GABPB1: variants seen among roughly 807,000 people sequenced by gnomAD.
The protein encoded by GABPB1 is GA binding protein transcription factor subunit beta 1.
Under a neutral mutation model 45.9 loss-of-function variants are expected in GABPB1, and 15 were observed. The observed-to-expected ratio is 0.33, with a 90% CI of 0.22 to 0.50. The LOEUF (loss-of-function observed/expected upper bound fraction) is 0.50, where lower values mean the gene tolerates loss of function less well. GABPB1 is among the 20% of genes least tolerant of loss of function. GABPB1 has a pLI of 0.98. For synonymous variants in GABPB1, 143 were observed against 154.4 expected, an observed-to-expected ratio of 0.93 and a Z score of 0.55; for missense variants, 252 against 457.5, an observed-to-expected ratio of 0.55 and a Z score of 4.10.
chr15:50,310,441 G>A (rs969858565), intron 1 of GABPB1, among the ~76,000 whole-genome samples: 6 of 152,156 alleles, frequency 3.9e-5, no homozygotes, highest in African/African-American at 1.4e-4. Context: ...TTACTGGAGG[G>A]TTTGCAGCAA....
chr15:50,310,507 C>T (rs1232299468), intron 1 of GABPB1, among the ~76,000 whole-genome samples: 1 of 152,140 alleles, frequency 6.6e-6, no homozygotes, highest in Non-Finnish European at 1.5e-5. Context: ...GTTGTTGGTG[C>T]AAATTAAACT....
intron 8 of GABPB1, chr15:50,282,346 G>A (rs1330129720): frequency 1.1e-5 from 5 of 450,058 alleles, no homozygotes; most frequent in Non-Finnish European, 2.2e-5. Flanking sequence ...ATCACTTGAG[G>A]CCAGGAGTCC....
At chr15:50,327,767 T>C (rs906348175) in intron 1 of GABPB1, among the ~76,000 whole-genome samples, 1 of 151,882 alleles carries the variant, frequency 6.6e-6, no homozygotes, top group Non-Finnish European at 1.5e-5. Context: ...GGCGTGGTGG[T>C]GCATGCCTGT....
intron 1 of GABPB1, among the ~76,000 whole-genome samples, chr15:50,348,430 T>C (rs1327569465): frequency 6.6e-6 from 1 of 152,090 alleles, no homozygotes; most frequent in South Asian, 2.1e-4. Flanking sequence ...TTTGTATTTT[T>C]AGTAGGGACG....
intron 1 of GABPB1, among the ~76,000 whole-genome samples, chr15:50,348,254 G>C (rs1334844725): frequency 1.3e-5 from 2 of 151,958 alleles, no homozygotes; most frequent in African/African-American, 4.8e-5. Context: ...AACAGGAGTA[G>C]TTTTTTAAAT....
intron 6 of GABPB1, among the ~76,000 whole-genome samples, chr15:50,292,544 T>A (rs551227740): frequency 6.6e-6 from 1 of 152,230 alleles, no homozygotes; most frequent in East Asian, 1.9e-4. Flanking sequence ...ATTATCAGGA[T>A]GGGCTGATAT....
At chr15:50,306,968 A>G (rs1024680250) in intron 2 of GABPB1, among the ~76,000 whole-genome samples, 4 of 152,138 alleles carry the variant, frequency 2.6e-5, no homozygotes, top group African/African-American at 9.7e-5. Flanking sequence ...TCTACTGATG[A>G]ACATTTAGAT....
intron 2 of GABPB1, among the ~76,000 whole-genome samples, chr15:50,304,866 T>C (rs1228218386): frequency 6.6e-6 from 1 of 152,212 alleles, no homozygotes; most frequent in Non-Finnish European, 1.5e-5. Flanking sequence ...ATTTTTACTT[T>C]AAGTGGATCA....
chr15:50,310,420 A>G (rs1475040601), intron 1 of GABPB1, among the ~76,000 whole-genome samples: 1 of 152,256 alleles, frequency 6.6e-6, no homozygotes, highest in Non-Finnish European at 1.5e-5. Flanking sequence ...AAAACTGGCA[A>G]CTAATTGTTT....
In GABPB1 at chr15:50,317,812, G is replaced by T. The variant is rs574204591; in HGVS notation, c.1-8014C>A. 2.0e-4 allele frequency among the ~76,000 whole-genome samples: 31 copies of T among 151,938 alleles called. 1 individual carries two copies. The East Asian group carries it at 3.1e-3, about 15-fold the overall frequency. On this transcript the variant is annotated intron_variant, in intron 1 of 8. Transcript: ENST00000380877. ...CAGTCCCAGCTACTCGGGAGGCTGA[G>T]GCAGGAGAATGGCGCGAACCCGGGA...
intron 6 of GABPB1, 95 bp from the exon 7 acceptor site, chr15:50,289,763 C>A: frequency 1.2e-6 from 1 of 807,896 alleles, no homozygotes; most frequent in Non-Finnish European, 1.8e-6. Flanking sequence ...TTCTATGCTT[C>A]TTTCTTTTCT....
At position 50,310,178 on chromosome 15, in the gene GABPB1, C is replaced by T. The variant is rs145175316; in HGVS notation, c.1-380G>A. Among the ~76,000 whole-genome samples the T allele has an allele frequency of 5.2e-3, 790 of 152,238 alleles. 8 individuals carry two copies. The highest frequency in any genetic ancestry group is 0.018 in the African/African-American group (767 of 41,524). ...CACGATGTTGGCTCACTGCAACCTC[C>T]GCCTCCTGGGTTCATGTGATTCTCC... On this transcript the variant is annotated intron_variant, in intron 1 of 8. Transcript: ENST00000380877.
intron 1 of GABPB1, among the ~76,000 whole-genome samples, chr15:50,328,255 G>A (rs1044044241): frequency 5.3e-5 from 8 of 150,068 alleles, no homozygotes; most frequent in Non-Finnish European, 8.9e-5. Context: ...AAAAAAAATT[G>A]TACTTTACAG....
chr15:50,322,043 C>T (rs2047591219), intron 1 of GABPB1, among the ~76,000 whole-genome samples: 1 of 150,322 alleles, frequency 6.7e-6, no homozygotes, highest in South Asian at 2.1e-4. Context: ...AAATTGTGAA[C>T]ATAATAAATG....
In GABPB1 at chr15:50,277,768, C is replaced by T. The variant is rs567179304; in HGVS notation, c.*864G>A. ...CATGTGGAAATCATGATGGAAGGCA[C>T]AGAATACAGTTTCACGTCCCCACTC... On this transcript the variant is annotated 3_prime_UTR_variant, in exon 9 of 9. Coordinates refer to ENST00000380877, the MANE Select transcript of GABPB1 (RefSeq NM_016654.5). 99 of 152,638 alleles carry T rather than the reference C, an allele frequency of 6.5e-4. No homozygotes were observed. Among genetic ancestry groups the T allele is most frequent in the African/African-American group, 2.3e-3 (96 of 41,526 alleles). 9.5% of individuals were successfully genotyped at this position (152,638 alleles called of 1,614,324 possible).
At chr15:50,354,419 G>C (rs914489715) in intron 1 of GABPB1, 1 of 451,286 alleles carries the variant, frequency 2.2e-6, no homozygotes, top group Admixed American at 2.4e-5. Flanking sequence ...CGCGACCCGA[G>C]CGCCTCTCGG....
At chr15:50,280,984 A>G (rs2045953367) in intron 8 of GABPB1, among the ~76,000 whole-genome samples, 1 of 152,228 alleles carries the variant, frequency 6.6e-6, no homozygotes, top group Non-Finnish European at 1.5e-5. Context: ...GTAGTCTAAC[A>G]GTGAAAAGAA....
rs186620213 is a variant in GABPB1 at position 50,281,412 on chromosome 15, C to T, written c.1000-2628G>A. ...ATTTTTAGTAGAGACGGGGTTTCACCATGTTAGCCAGGATGGTCTCAATCT... is the reference window on the plus strand; with the variant it reads ...ATTTTTAGTAGAGACGGGGTTTCACTATGTTAGCCAGGATGGTCTCAATCT... On this transcript the variant is annotated intron_variant, in intron 8 of 8. Coordinates refer to ENST00000380877, the MANE Select transcript of GABPB1 (RefSeq NM_016654.5). 2.5e-3 allele frequency among the ~76,000 whole-genome samples: 375 copies of T among 152,196 alleles called. 9 individuals are homozygous for T. In the East Asian group the frequency reaches 0.06, roughly 24 times the overall value.
At chr15:50,279,024 A>G (rs1461276728) in intron 8 of GABPB1, among the ~76,000 whole-genome samples, 1 of 152,198 alleles carries the variant, frequency 6.6e-6, no homozygotes, top group Non-Finnish European at 1.5e-5. Flanking sequence ...TTTCCTATTT[A>G]GAAATAAGAC....
Sources: allele counts gnomAD v4.1 joint callset (sites outside exome capture counted in the v4.1 genomes callset), GRCh38; gene constraint gnomAD v4.1.1; transcripts MANE v1.5; gene names NCBI Gene and HGNC (gene_info 2026-07-23, HGNC 2026-07-21).